The following CALN1 variants were observed in gnomAD, a reference collection of about 807,000 sequenced individuals.
CALN1 encodes the protein calneuron 1, also known as calcium-binding protein 8.
A neutral mutation model predicts 30.6 loss-of-function variants in CALN1; 17 were observed. The ratio of observed to expected loss-of-function variants is 0.56; its 90% CI spans 0.38 to 0.83. The LOEUF (loss-of-function observed/expected upper bound fraction) is 0.83. Ranked by LOEUF, CALN1 falls within the 40% of genes least tolerant of loss-of-function variation. CALN1 has a pLI of 0.00. For synonymous variants in CALN1, 156 were observed against 131.4 expected (o/e 1.19, Z -1.28); for missense variants, 291 against 354.9 (o/e 0.82, Z 1.45).
intron 2 of CALN1, among the ~76,000 whole-genome samples, chr7:72,289,843 C>T (rs1234541669): frequency 6.6e-6 from 1 of 151,948 alleles, no homozygotes; most frequent in Admixed American, 6.6e-5. Flanking sequence ...GTAATCCCAG[C>T]ACTTTGGGAT....
Position 71,891,961 on chromosome 7 carries a change from A to T in CALN1, c.502-81469T>A, listed in dbSNP as rs190029872. Among the ~76,000 whole-genome samples the T allele has an allele frequency of 3.8e-3, 581 of 151,992 alleles. 3 individuals carry two copies. Among genetic ancestry groups the T allele is most frequent in the Non-Finnish European group, 5.1e-3 (346 of 68,016 alleles). On this transcript the variant is annotated intron_variant, in intron 5 of 6. Coordinates refer to ENST00000395275, the MANE Select transcript of CALN1 (RefSeq NM_031468.4). ...TCCGTCTCAAAAATAAATAAATAAA[A>T]AAAAAAATAACAAGTGCTATGTATG...
At chr7:72,182,032 G>C (rs988330396) in intron 3 of CALN1, among the ~76,000 whole-genome samples, 4 of 152,206 alleles carry the variant, frequency 2.6e-5, no homozygotes, top group African/African-American at 9.7e-5. Context: ...TCAGGGTTAG[G>C]TGAGAAGTTA....
chr7:72,260,433 C>A (rs749063703), intron 3 of CALN1, among the ~76,000 whole-genome samples: 20 of 152,204 alleles, frequency 1.3e-4, no homozygotes, highest in Non-Finnish European at 2.2e-4. Context: ...GGTGCACAGA[C>A]CCCAGGTTAA....
At chr7:71,793,053 C>G (rs1786670766) in intron 6 of CALN1, among the ~76,000 whole-genome samples, 1 of 151,912 alleles carries the variant, frequency 6.6e-6, no homozygotes, top group African/African-American at 2.4e-5. Flanking sequence ...GCCTGTAATC[C>G]CAGCACTTTG....
intron 1 of CALN1, among the ~76,000 whole-genome samples, chr7:72,446,577 T>C (rs1157381985): frequency 2.0e-5 from 3 of 152,110 alleles, no homozygotes; most frequent in African/African-American, 7.2e-5. Flanking sequence ...ACAGGGAAAG[T>C]TGTATGGAAT....
At chr7:72,317,012 G>A (rs1476166308) in intron 2 of CALN1, among the ~76,000 whole-genome samples, 1 of 145,560 alleles carries the variant, frequency 6.9e-6, no homozygotes, top group Admixed American at 7.1e-5. Flanking sequence ...AGGAAAGGAA[G>A]AAGGAAGGAA....
intron 4 of CALN1, among the ~76,000 whole-genome samples, chr7:72,035,070 A>C (rs2129532796): frequency 6.6e-6 from 1 of 152,332 alleles, no homozygotes; most frequent in East Asian, 1.9e-4. Flanking sequence ...TAGGAATAGT[A>C]GAGCATGTTC....
At chr7:72,353,039 T>A (rs2968516) in intron 2 of CALN1, among the ~76,000 whole-genome samples, 150,696 of 152,294 alleles carry the variant, frequency 0.99, 74,575 homozygotes, top group Middle Eastern at 1. Context: ...AATAGACCCA[T>A]GGAGATATAA....
In CALN1 at chr7:72,407,996, C is replaced by A. The variant is rs147236190; in HGVS notation, c.-74+4062G>T. ...GAAGGGAGACTTTGATTCTCCCCTT[C>A]TGTGGCACTAGGTATGCAAATATGC... On this transcript the variant is annotated intron_variant, in intron 1 of 6. Transcript: ENST00000395275. Among the ~76,000 whole-genome samples the A allele has an allele frequency of 3.3e-5, 5 of 152,264 alleles. No homozygotes were observed. In the East Asian group the frequency reaches 9.6e-4, roughly 29 times the overall value.
In CALN1 at chr7:72,175,137, A is replaced by G. The variant is rs571541585; in HGVS notation, c.245-68843T>C. Among the ~76,000 whole-genome samples the G allele has an allele frequency of 2.8e-4, 43 of 151,628 alleles. 1 individual carries two copies. The highest frequency in any genetic ancestry group is 1.0e-4 in the Non-Finnish European group (7 of 67,890). Reference sequence around the variant, plus strand: ...CACCCAGGCTGGAGTGCAGTGGCGCAATCTCGGCTCACTGCAAGCTCCGCC... The same window carrying G: ...CACCCAGGCTGGAGTGCAGTGGCGCGATCTCGGCTCACTGCAAGCTCCGCC... On this transcript the variant is annotated intron_variant, in intron 3 of 6. Coordinates refer to ENST00000395275, the MANE Select transcript of CALN1 (RefSeq NM_031468.4).
In CALN1 at chr7:71,841,483, C is replaced by T. The variant is rs572731003; in HGVS notation, c.502-30991G>A. On this transcript the variant is annotated intron_variant, in intron 5 of 6. Transcript: ENST00000395275. ...TTCAAAACAGAATTACCACTCAGCC[C>T]AGCAATCTGATTTTTACTGGATATC... Among the ~76,000 whole-genome samples, 22 of 149,320 alleles carry T rather than the reference C, an allele frequency of 1.5e-4. 1 individual carries two copies. Among genetic ancestry groups the T allele is most frequent in the Admixed American group, 1.3e-3 (20 of 14,982 alleles).
chr7:72,321,163 C>T (rs985270649), intron 2 of CALN1, among the ~76,000 whole-genome samples: 1 of 143,258 alleles, frequency 7.0e-6, no homozygotes, highest in African/African-American at 2.5e-5. Flanking sequence ...GGACATAATG[C>T]ACACACCCTG....
intron 2 of CALN1, 135 bp from the exon 3 acceptor site, chr7:72,278,945 G>A (rs1335165454): frequency 1.6e-6 from 2 of 1,279,982 alleles, no homozygotes; most frequent in Non-Finnish European, 2.1e-6. Flanking sequence ...TAGTGGGAAA[G>A]TCAAGATATT....
chr7:72,380,690 G>C (rs76525348), intron 2 of CALN1, among the ~76,000 whole-genome samples: 1 of 150,516 alleles, frequency 6.6e-6, no homozygotes, highest in Non-Finnish European at 1.5e-5. Flanking sequence ...TGGATGGATG[G>C]ATACATACAT....
At chr7:71,850,073 A>G (rs1790547854) in intron 5 of CALN1, among the ~76,000 whole-genome samples, 1 of 152,190 alleles carries the variant, frequency 6.6e-6, no homozygotes, top group African/African-American at 2.4e-5. Flanking sequence ...AAGAACACAT[A>G]TGTTGCCTGA....
chr7:71,838,203 T>C (rs1464051609), intron 5 of CALN1, among the ~76,000 whole-genome samples: 3 of 152,252 alleles, frequency 2.0e-5, no homozygotes, highest in South Asian at 4.1e-4. Context: ...ATATAGCATA[T>C]GATTTCCCCA....
rs186018368 is a variant in CALN1, at chr7:71,897,895, A to G, written c.502-87403T>C. Among the ~76,000 whole-genome samples, 47 of 148,996 alleles carry G rather than the reference A, an allele frequency of 3.2e-4. 1 individual carries two copies. The Admixed American group carries it at 3.2e-3, about 10-fold the overall frequency. ...AGACTGTAAAGCAATGTGGTTTACA[A>G]TGTTCATGGAAGAAAAAACCAAGCT... On this transcript the variant is annotated intron_variant, in intron 5 of 6. Transcript: ENST00000395275.
In CALN1 at chr7:72,189,508, G is replaced by C. The variant is rs551972685; in HGVS notation, c.245-83214C>G. Reference sequence around the variant, plus strand: ...ATGGTGGCTCACGCCTGTAATCCCAGCCCTTTGGGAGGCCAAGACTAGTAG... The same window carrying C: ...ATGGTGGCTCACGCCTGTAATCCCACCCCTTTGGGAGGCCAAGACTAGTAG... On this transcript the variant is annotated intron_variant, in intron 3 of 6. Transcript: ENST00000395275. Among the ~76,000 whole-genome samples, 52 of 152,246 alleles carry C rather than the reference G, an allele frequency of 3.4e-4. 1 individual carries two copies. In the South Asian group the frequency reaches 0.011, roughly 32 times the overall value.
rs188980005 is a variant in CALN1, at chr7:72,170,938, C to T, written c.245-64644G>A. Among the ~76,000 whole-genome samples, 4 of 152,270 alleles carry T rather than the reference C, an allele frequency of 2.6e-5. No individual in the cohort carries two copies. In the East Asian group the frequency reaches 7.7e-4, roughly 29 times the overall value. ...TTGGGAGGCCAAGGCGGGTGGATCA[C>T]ATTGAGTCCAGGAGTTTAAGACCAG... On this transcript the variant is annotated intron_variant, in intron 3 of 6. Transcript: ENST00000395275.
Sources: allele counts gnomAD v4.1 joint callset (sites outside exome capture counted in the v4.1 genomes callset), GRCh38; gene constraint gnomAD v4.1.1; transcripts MANE v1.5; gene names NCBI Gene and HGNC (gene_info 2026-07-23, HGNC 2026-07-21).